MTUS1: variants seen among roughly 807,000 people sequenced by gnomAD.
The protein encoded by MTUS1 is microtubule-associated tumor suppressor 1.
A neutral mutation model predicts 120.8 loss-of-function variants in MTUS1; 109 were observed. That is an observed-to-expected ratio of 0.90 (90% CI 0.77 to 1.06). The LOEUF (loss-of-function observed/expected upper bound fraction) is 1.06, where lower values mean the gene tolerates loss of function less well. Among genes scored for constraint, MTUS1 ranks in the 50% least tolerant of loss-of-function variants. The probability of loss-of-function intolerance (pLI) is 0.00; values close to 1 mark genes in which losing one functional copy is unlikely to be tolerated. For synonymous variants in MTUS1, 737 were observed against 550.5 expected (o/e 1.34, Z -4.74); for missense variants, 2,210 against 1,486.3 (o/e 1.49, Z -8.01).
upstream of MTUS1, chr8:17,801,342 C>A (rs1039030778): frequency 6.6e-6 from 1 of 151,878 alleles, no homozygotes; most frequent in Non-Finnish European, 1.5e-5. Context: ...GCCTCCCGCC[C>A]CAACCCGGGG....
At position 17,754,514 on chromosome 8, in the gene MTUS1, C is replaced by T; in HGVS notation, c.1294G>A (p.Val432Ile). The change falls in exon 2 of 15, where the codon GTC becomes ATC. Residue 432 changes from valine to isoleucine, a missense_variant. Physicochemically the swap from Val to Ile is conservative, Grantham distance 29 (BLOSUM62 3). Coordinates refer to ENST00000693296, the MANE Select transcript of MTUS1 (RefSeq NM_001363059.2). ...TDKTMCMSTPVLEPTKVTFSV... is the reference protein window; with the variant it reads ...TDKTMCMSTPILEPTKVTFSV... ...AAGGTTACTTTTGTGGGTTCTAGGA[C>T]TGGTGTTGACATGCACATCGTTTTG... The T allele has an allele frequency of 1.9e-6, 3 of 1,614,174 alleles. No individual in the cohort carries two copies. Among genetic ancestry groups the T allele is most frequent in the Non-Finnish European group, 2.5e-6 (3 of 1,180,036 alleles).
At chr8:17,774,856 A>C (rs1452877393) in intron 1 of MTUS1, among the ~76,000 whole-genome samples, 1 of 151,634 alleles carries the variant, frequency 6.6e-6, no homozygotes, top group African/African-American at 2.4e-5. Context: ...CCACTGACAG[A>C]TGAGTGGATA....
At chr8:17,698,687 G>C (rs1218981386) in intron 6 of MTUS1, among the ~76,000 whole-genome samples, 4 of 152,066 alleles carry the variant, frequency 2.6e-5, no homozygotes, top group African/African-American at 7.2e-5. Flanking sequence ...GGAAGAGAGA[G>C]GGAGGAAGAG....
intron 12 of MTUS1, among the ~76,000 whole-genome samples, chr8:17,650,678 T>C (rs1040067619): frequency 6.6e-6 from 1 of 152,156 alleles, no homozygotes; most frequent in African/African-American, 2.4e-5. Context: ...CACTGCATTC[T>C]AACCTGGTGG....
rs1016861270 is a variant in MTUS1, at chr8:17,645,946, G to A, written c.3793C>T (p.Pro1265Ser). 19 of 1,611,990 alleles carry A rather than the reference G, an allele frequency of 1.2e-5. No individual in the cohort carries two copies. Among genetic ancestry groups the A allele is most frequent in the African/African-American group, 4.0e-5 (3 of 74,880 alleles). The change falls in exon 15 of 15, where the codon CCC becomes TCC. Residue 1265 changes from proline (P) to serine (S), a missense_variant. Transcript: ENST00000693296. ...SPRNSGSFPSPSISPR is the reference protein window; with the variant it reads ...SPRNSGSFPSSSISPR ...AGGTGTCATCTGGGTGAAATGCTGGGGCTAGGGAAGGAGCCCGAATTCCTT... is the reference window on the plus strand; with the variant it reads ...AGGTGTCATCTGGGTGAAATGCTGGAGCTAGGGAAGGAGCCCGAATTCCTT...
chr8:17,779,728 C>T (rs1295432733), intron 1 of MTUS1, among the ~76,000 whole-genome samples: 2 of 152,232 alleles, frequency 1.3e-5, no homozygotes, highest in South Asian at 4.1e-4. Context: ...AACTCACAGA[C>T]TTCTCTTTGG....
Position 17,710,183 on chromosome 8 carries a change from T to G in MTUS1, c.2623+3031A>C, listed in dbSNP as rs1181543420. 3.3e-5 allele frequency among the ~76,000 whole-genome samples: 5 copies of G among 152,278 alleles called. No homozygotes were observed. The East Asian group carries it at 9.7e-4, about 29-fold the overall frequency. On this transcript the variant is annotated intron_variant, in intron 6 of 14. Transcript: ENST00000693296. The stretch of plus-strand genomic sequence containing the variant: ...TGAAGGTTTGGGTGGCTGTGGCAAT[T>G]TAAAGTAAGACAGCAATGAAGTTTG...
intron 6 of MTUS1, among the ~76,000 whole-genome samples, chr8:17,684,745 G>A (rs960876441): frequency 6.6e-6 from 1 of 152,156 alleles, no homozygotes. Flanking sequence ...CTTCATTTAT[G>A]ACTTTAAAAG....
chr8:17,801,281 G>T (rs903502801), upstream of MTUS1: 5 of 151,964 alleles, frequency 3.3e-5, no homozygotes, highest in Admixed American at 6.5e-5. Flanking sequence ...GGGCCGCCAG[G>T]GGGTGGAGCA....
At chr8:17,764,804 A>G (rs1373652033) in intron 1 of MTUS1, among the ~76,000 whole-genome samples, 1 of 152,198 alleles carries the variant, frequency 6.6e-6, no homozygotes, top group African/African-American at 2.4e-5. Flanking sequence ...CCCCTGAACT[A>G]GTCTATGCCC....
At position 17,683,007 on chromosome 8, in the gene MTUS1, G is replaced by A. The variant is rs184160689; in HGVS notation, c.2838+1321C>T. 5.7e-3 allele frequency among the ~76,000 whole-genome samples: 871 copies of A among 152,282 alleles called. 6 individuals are homozygous for A. The highest frequency in any genetic ancestry group is 0.024 in the Middle Eastern group (7 of 294). Reference sequence around the variant, plus strand: ...AATCATTAAGGCTGGGCGCAGTGGCGCATGCCTGTAATCCCAGGACTTTGG... The same window carrying A: ...AATCATTAAGGCTGGGCGCAGTGGCACATGCCTGTAATCCCAGGACTTTGG... On this transcript the variant is annotated intron_variant, in intron 7 of 14. Coordinates refer to ENST00000693296, the MANE Select transcript of MTUS1 (RefSeq NM_001363059.2).
In MTUS1 at chr8:17,754,182, G is replaced by C; in HGVS notation, c.1626C>G (p.Pro542=). The C allele has an allele frequency of 6.2e-7, 1 of 1,613,894 alleles. No homozygotes were observed. The highest frequency in any genetic ancestry group is 1.3e-5 in the African/African-American group (1 of 75,008). The change falls in exon 2 of 15, where the codon CCC becomes CCG. Residue 542 remains proline (P), a synonymous_variant. Transcript: ENST00000693296. The part of the protein sequence containing the change: ...PRPQQTSASS[P]SSVNSRQQTV... ...TTTGTTGTCTTGAATTCACTGATGA[G>C]GGTGATGAGGCACTGGTCTGCTGAG... is the stretch of plus-strand genomic sequence containing the variant.
At chr8:17,777,244 C>T (rs1316465218) in intron 1 of MTUS1, among the ~76,000 whole-genome samples, 1 of 152,018 alleles carries the variant, frequency 6.6e-6, no homozygotes, top group Non-Finnish European at 1.5e-5. Context: ...CGAGACCAGC[C>T]TGGCCAACGT....
At chr8:17,689,253 C>A (rs1816471319) in intron 6 of MTUS1, among the ~76,000 whole-genome samples, 2 of 151,980 alleles carry the variant, frequency 1.3e-5, no homozygotes, top group Non-Finnish European at 2.9e-5. Context: ...CAAGCCAAGC[C>A]CAATTATTTG....
chr8:17,657,369 C>G (rs867393178), intron 8 of MTUS1, among the ~76,000 whole-genome samples: 118 of 151,438 alleles, frequency 7.8e-4, no homozygotes, highest in African/African-American at 2.6e-3. Flanking sequence ...GAGATCGAGA[C>G]CATCCCGGCT....
Position 17,755,515 on chromosome 8 carries a change from T to G in MTUS1, c.293A>C (p.His98Pro), listed in dbSNP as rs775132535. The G allele has an allele frequency of 6.2e-7, 1 of 1,614,106 alleles. No individual in the cohort carries two copies. The highest frequency in any genetic ancestry group is 1.1e-5 in the South Asian group (1 of 91,092). The change falls in exon 2 of 15, where the codon CAT becomes CCT. Residue 98 changes from histidine (H) to proline (P), a missense_variant. Physicochemically the swap from His to Pro is moderately conservative, Grantham distance 77. Transcript: ENST00000693296. ...AGGACACTGACAAATAGAATCTTTA[T>G]GCATATCTAACACCTGCTTACTAAT... The part of the protein sequence containing the change: ...DFISKQVLDM[H>P]KDSICQCPAL...
rs1204821801 is a variant in MTUS1 at position 17,674,669 on chromosome 8, G to T, written c.2905+517C>A. On this transcript the variant is annotated intron_variant, in intron 8 of 14. Transcript: ENST00000693296. ...GACGTGGGGCTCCCTGTGGAGCGGG[G>T]AGGTGGTGAACCATCAGCCCCCCTC... 5.1e-6 allele frequency: 5 copies of T among 987,098 alleles called. No homozygotes were observed. The African/African-American group carries it at 7.0e-5, about 14-fold the overall frequency. The allele number at this position is 987,098 out of a possible 1,614,324, so 61.1% of individuals were successfully genotyped here. A position where few individuals can be genotyped will look rare whatever the true frequency, so the allele number is the denominator to read the frequency against.
intron 3 of MTUS1, among the ~76,000 whole-genome samples, chr8:17,729,521 G>C (rs1336147595): frequency 6.6e-6 from 1 of 152,108 alleles, no homozygotes; most frequent in Non-Finnish European, 1.5e-5. Flanking sequence ...TGCACACATA[G>C]ACACACACAT....
chr8:17,650,554 T>C (rs886764291), intron 12 of MTUS1, among the ~76,000 whole-genome samples: 20 of 152,110 alleles, frequency 1.3e-4, no homozygotes, highest in Admixed American at 7.2e-4. Context: ...TCTCCAAAAA[T>C]TACAAGTTTG....
Sources: allele counts gnomAD v4.1 joint callset (sites outside exome capture counted in the v4.1 genomes callset), GRCh38; gene constraint gnomAD v4.1.1; transcripts MANE v1.5; gene names NCBI Gene and HGNC (gene_info 2026-07-23, HGNC 2026-07-21).